The following TSHZ2 variants were observed in gnomAD, a reference collection of about 807,000 sequenced individuals.
TSHZ2 encodes the protein teashirt homolog 2.
A neutral mutation model predicts 74.4 loss-of-function variants in TSHZ2; 21 were observed. The ratio of observed to expected loss-of-function variants is 0.28; its 90% CI spans 0.20 to 0.41. TSHZ2 has a LOEUF of 0.41. TSHZ2 is among the 10% of genes least tolerant of loss of function. The pLI is 1.00. For missense variants in TSHZ2, 1,244 were observed against 1,293.5 expected, an observed-to-expected ratio of 0.96 and a Z score of 0.59; for synonymous variants, 540 against 515.3, an observed-to-expected ratio of 1.05 and a Z score of -0.65.
intron 1 of TSHZ2, among the ~76,000 whole-genome samples, chr20:53,073,108 C>G (rs1985240085): frequency 6.9e-6 from 1 of 145,254 alleles, no homozygotes; most frequent in African/African-American, 2.5e-5. Flanking sequence ...TTCCATCCAT[C>G]CCTCCATTCA....
intron 2 of TSHZ2, among the ~76,000 whole-genome samples, chr20:53,351,129 A>G (rs906659231): frequency 1.3e-5 from 2 of 152,224 alleles, no homozygotes; most frequent in African/African-American, 2.4e-5. Context: ...TTGATCACCA[A>G]ATTGGACGAG....
chr20:53,199,211 CAT>C lies in TSHZ2; in HGVS notation c.41-54287_41-54286del, dbSNP rs1369353957. On this transcript the variant is annotated intron_variant, in intron 1 of 2. Coordinates refer to ENST00000371497, the MANE Select transcript of TSHZ2 (RefSeq NM_173485.6). ...AGTGTGTTTAGAACTAAAATCAAGA[CAT>C]GTGGCTGGGAGCAGTGGCTTGTTCC... Among the ~76,000 whole-genome samples, 6 of 152,298 alleles carry C rather than the reference CAT, an allele frequency of 3.9e-5. No homozygotes were observed. In the East Asian group the frequency reaches 1.2e-3, roughly 29 times the overall value.
intron 1 of TSHZ2, among the ~76,000 whole-genome samples, chr20:53,030,702 T>C (rs1035190787): frequency 6.6e-6 from 1 of 152,206 alleles, no homozygotes; most frequent in Non-Finnish European, 1.5e-5. Flanking sequence ...ACATACATTG[T>C]AAAGTGTGGA....
intron 2 of TSHZ2, among the ~76,000 whole-genome samples, chr20:53,334,704 T>A (rs6013661): frequency 0.011 from 1,744 of 151,730 alleles, 26 homozygotes; most frequent in African/African-American, 0.04. Context: ...TTAAAAAAAA[T>A]TTTTTTTTGA....
chr20:53,323,563 C>CTTTTTTTTTTTTTTTTTTTT lies in TSHZ2; in HGVS notation c.*8+67005_*8+67024dup, dbSNP rs34687825. Among the ~76,000 whole-genome samples, 6 of 36,678 alleles carry CTTTTTTTTTTTTTTTTTTTT rather than the reference C, an allele frequency of 1.6e-4. 2 individuals are homozygous for CTTTTTTTTTTTTTTTTTTTT. The highest frequency in any genetic ancestry group is 1.8e-4 in the Non-Finnish European group (4 of 21,684). The allele number at this position is 36,678 out of a possible 152,430, so 24.1% of individuals were successfully genotyped here. ...CACCCGTTTTCATTGCCTTGGAGGG[C>CTTTTTTTTTTTTTTTTTTTT]TTTTTTTTTTTTTTTTTTTTTTTTT... On this transcript the variant is annotated intron_variant, in intron 2 of 2. Transcript: ENST00000371497.
intron 1 of TSHZ2, among the ~76,000 whole-genome samples, chr20:53,047,974 G>C (rs766307583): frequency 1.3e-5 from 2 of 152,154 alleles, no homozygotes; most frequent in Non-Finnish European, 2.9e-5. Flanking sequence ...AAGGGGAGAC[G>C]GGATGTGGCC....
At chr20:53,033,651 CTTTTT>C (rs61445726) in intron 1 of TSHZ2, among the ~76,000 whole-genome samples, 13 of 59,022 alleles carry the variant, frequency 2.2e-4, no homozygotes, top group South Asian at 7.7e-4. Flanking sequence ...TGATAAAAAG[CTTTTT>C]TTTTTTTTTT....
chr20:53,146,078 C>T (rs553553422), intron 1 of TSHZ2, among the ~76,000 whole-genome samples: 1 of 152,006 alleles, frequency 6.6e-6, no homozygotes, highest in South Asian at 2.1e-4. Context: ...AGGGAAATAG[C>T]CTGTGCTGAG....
At chr20:53,238,390 C>T (rs945566947) in intron 1 of TSHZ2, among the ~76,000 whole-genome samples, 1 of 152,120 alleles carries the variant, frequency 6.6e-6, no homozygotes, top group East Asian at 1.9e-4. Context: ...AATCAAAAGA[C>T]AATCTCTCTA....
chr20:53,405,000 A>G (rs1171092520), intron 2 of TSHZ2, among the ~76,000 whole-genome samples: 4 of 152,244 alleles, frequency 2.6e-5, no homozygotes, highest in Non-Finnish European at 2.9e-5. Context: ...CCTGTAATCT[A>G]GCATTTTGGG....
intron 2 of TSHZ2, among the ~76,000 whole-genome samples, chr20:53,275,997 T>C (rs1302714300): frequency 2.6e-5 from 4 of 152,200 alleles, no homozygotes; most frequent in African/African-American, 9.6e-5. Context: ...ATCTCTTATT[T>C]ACAATTCACT....
chr20:52,999,138 C>T lies in TSHZ2; in HGVS notation c.40+25805C>T, dbSNP rs1381748788. On this transcript the variant is annotated intron_variant, in intron 1 of 2. Transcript: ENST00000371497. The stretch of plus-strand genomic sequence containing the variant: ...CACTCTTCACTGCCACATTCCAAGA[C>T]CCATGAGTCTGAGGCCTCATGCTCT... 2.0e-5 allele frequency among the ~76,000 whole-genome samples: 3 copies of T among 149,984 alleles called. No homozygotes were observed. In the East Asian group the frequency reaches 5.8e-4, roughly 29 times the overall value.
At chr20:53,191,182 CATT>C (rs1266992905) in intron 1 of TSHZ2, among the ~76,000 whole-genome samples, 5 of 152,066 alleles carry the variant, frequency 3.3e-5, no homozygotes, top group Admixed American at 2.0e-4. Flanking sequence ...ACAAATCAAA[CATT>C]ATTACGTATT....
In TSHZ2 at chr20:53,125,530, T is replaced by C. The variant is rs139957087; in HGVS notation, c.41-127969T>C. ...ATTACTATTATTGAATAATCATGAA[T>C]TGAGCCCAAATGGCCTGGCTTCCTA... On this transcript the variant is annotated intron_variant, in intron 1 of 2. Transcript: ENST00000371497. Among the ~76,000 whole-genome samples, 57 of 152,274 alleles carry C rather than the reference T, an allele frequency of 3.7e-4. 1 individual carries two copies. Among genetic ancestry groups the C allele is most frequent in the East Asian group, 2.5e-3 (13 of 5,174 alleles).
At chr20:52,995,925 G>T (rs1982170142) in intron 1 of TSHZ2, among the ~76,000 whole-genome samples, 2 of 151,978 alleles carry the variant, frequency 1.3e-5, no homozygotes, top group Admixed American at 6.6e-5. Flanking sequence ...CCCGGCCAAG[G>T]TTATTTACTT....
intron 1 of TSHZ2, among the ~76,000 whole-genome samples, chr20:53,081,728 G>C (rs1466406510): frequency 6.6e-6 from 1 of 152,040 alleles, no homozygotes; most frequent in African/African-American, 2.4e-5. Context: ...TTAGGTTCCT[G>C]CTTTTTTATT....
At chr20:53,076,252 C>T (rs1398449768) in intron 1 of TSHZ2, among the ~76,000 whole-genome samples, 1 of 152,170 alleles carries the variant, frequency 6.6e-6, no homozygotes, top group Non-Finnish European at 1.5e-5. Flanking sequence ...GACTGGATGA[C>T]AGCAGAAAGG....
chr20:53,345,389 G>A (rs142659202), intron 2 of TSHZ2, among the ~76,000 whole-genome samples: 37 of 152,220 alleles, frequency 2.4e-4, no homozygotes, highest in African/African-American at 7.5e-4. Context: ...GGGAAACAAC[G>A]TCAGGGAATA....
chr20:53,126,653 C>A (rs1204980857), intron 1 of TSHZ2, among the ~76,000 whole-genome samples: 2 of 152,146 alleles, frequency 1.3e-5, no homozygotes, highest in Non-Finnish European at 2.9e-5. Context: ...CATTCAGGAG[C>A]TGGCAGGGTT....
Sources: gnomAD v4.1 joint callset for allele counts (sites outside exome capture counted in the v4.1 genomes callset) on GRCh38, gnomAD v4.1.1 for gene constraint, MANE v1.5 for transcripts, NCBI Gene and HGNC (gene_info 2026-07-23, HGNC 2026-07-21) for gene names.